Variants in BLTP3A observed in about 807,000 individuals in gnomAD.
BLTP3A encodes ICBP90 binding protein 1.
At chr6:34,795,922 A>G in the BLTP3A span, among the ~76,000 whole-genome samples, 1 of 152,080 alleles carries the variant, frequency 6.6e-6, no homozygotes, top group Admixed American at 6.6e-5. Context: ...GAGTCTTGTT[A>G]GGGGAAAGGC....
At chr6:34,810,635 ATTATT>A in the BLTP3A span, among the ~76,000 whole-genome samples, 3 of 152,024 alleles carry the variant, frequency 2.0e-5, no homozygotes, top group African/African-American at 7.2e-5. Flanking sequence ...TGCCCAGCTA[ATTATT>A]TTGTTTTTTT....
the BLTP3A span, chr6:34,859,579 G>A: frequency 4.3e-6 from 7 of 1,613,106 alleles, no homozygotes; most frequent in East Asian, 4.5e-5. Flanking sequence ...CAAGTAAGTG[G>A]CTCTGTACCT....
the BLTP3A span, among the ~76,000 whole-genome samples, chr6:34,820,834 T>TTTTTTGG: frequency 4.3e-5 from 6 of 140,376 alleles, no homozygotes; most frequent in African/African-American, 1.0e-4. Context: ...TTTTTTTTTT[T>TTTTTTGG]AGAGATAGGG....
chr6:34,843,454 TTTC>T, the BLTP3A span, among the ~76,000 whole-genome samples: 2 of 152,212 alleles, frequency 1.3e-5, no homozygotes, highest in African/African-American at 4.8e-5. Flanking sequence ...TATTTTCTTT[TTTC>T]TTTTTAATTT....
At chr6:34,860,404 T>TAG in the BLTP3A span, among the ~76,000 whole-genome samples, 1 of 152,188 alleles carries the variant, frequency 6.6e-6, no homozygotes, top group Non-Finnish European at 1.5e-5. Context: ...CTTTGTGGTT[T>TAG]AGAGACCATG....
the BLTP3A span, chr6:34,834,247 A>G: frequency 1.7e-5 from 27 of 1,613,862 alleles, no homozygotes; most frequent in Non-Finnish European, 2.2e-5. Flanking sequence ...AGGTGGTGGA[A>G]GGGATGTTCA....
the BLTP3A span, chr6:34,867,492 T>C: frequency 6.2e-7 from 1 of 1,614,142 alleles, no homozygotes; most frequent in African/African-American, 1.3e-5. Flanking sequence ...TGAAGGTGAA[T>C]GAGGTGTCTT....
chr6:34,792,193 A>C, the BLTP3A span: 1 of 1,502,160 alleles, frequency 6.7e-7, no homozygotes, highest in Non-Finnish European at 8.9e-7. Flanking sequence ...TCTTCTCCAC[A>C]ACTGAGGAGG....
At chr6:34,839,569 G>A in the BLTP3A span, among the ~76,000 whole-genome samples, 3 of 152,228 alleles carry the variant, frequency 2.0e-5, no homozygotes, top group Non-Finnish European at 4.4e-5. Context: ...CATGCCCAGG[G>A]TTAGGTTCCA....
chr6:34,869,350 C>T, the BLTP3A span, among the ~76,000 whole-genome samples: 2 of 152,128 alleles, frequency 1.3e-5, no homozygotes, highest in African/African-American at 4.8e-5. Context: ...TTTTAAGTCT[C>T]TGGGAGTCCC....
the BLTP3A span, among the ~76,000 whole-genome samples, chr6:34,822,849 C>T: frequency 3.5e-5 from 5 of 141,378 alleles, no homozygotes; most frequent in South Asian, 4.5e-4. Context: ...GACTCTGTTT[C>T]GGGAAAAAAA....
At chr6:34,797,381 A>G in the BLTP3A span, among the ~76,000 whole-genome samples, 1 of 152,160 alleles carries the variant, frequency 6.6e-6, no homozygotes, top group African/African-American at 2.4e-5. Context: ...CCTGATTGCA[A>G]ATTTAGCCCT....
chr6:34,862,028 T>G, the BLTP3A span, among the ~76,000 whole-genome samples: 9 of 152,212 alleles, frequency 5.9e-5, no homozygotes, highest in African/African-American at 2.2e-4. Context: ...ATGTCCTTAT[T>G]TTTGTGAACT....
At chr6:34,802,562 T>C in the BLTP3A span, among the ~76,000 whole-genome samples, 2 of 152,132 alleles carry the variant, frequency 1.3e-5, no homozygotes, top group Non-Finnish European at 2.9e-5. Flanking sequence ...GGTTTCACCA[T>C]GTTGGCCAGG....
At chr6:34,825,556 C>T in the BLTP3A span, among the ~76,000 whole-genome samples, 32,741 of 152,196 alleles carry the variant, frequency 0.22, 4,245 homozygotes, top group African/African-American at 0.36. Context: ...ATCCACCTGC[C>T]TTGGCCTCCC....
the BLTP3A span, among the ~76,000 whole-genome samples, chr6:34,848,101 T>G: frequency 6.7e-6 from 1 of 149,430 alleles, no homozygotes; most frequent in Non-Finnish European, 1.5e-5. Flanking sequence ...TTTTTTTTTT[T>G]GTAGAGATGA....
At chr6:34,840,457 A>G in the BLTP3A span, among the ~76,000 whole-genome samples, 1 of 149,924 alleles carries the variant, frequency 6.7e-6, no homozygotes, top group Non-Finnish European at 1.5e-5. Flanking sequence ...TCCCAGCTAC[A>G]TGGGAGGCTG....
At chr6:34,853,279 G>A in the BLTP3A span, among the ~76,000 whole-genome samples, 1 of 152,032 alleles carries the variant, frequency 6.6e-6, no homozygotes, top group Admixed American at 6.6e-5. Flanking sequence ...CAGGCTCAGG[G>A]GATCCTCCTG....
chr6:34,830,772 A>G, the BLTP3A span, among the ~76,000 whole-genome samples: 1 of 152,162 alleles, frequency 6.6e-6, no homozygotes, highest in Non-Finnish European at 1.5e-5. Context: ...GTTTTTGTAA[A>G]TATTGCTAGA....
Sources: allele counts gnomAD v4.1 joint callset (sites outside exome capture counted in the v4.1 genomes callset), GRCh38; gene constraint gnomAD v4.1.1; transcripts MANE v1.5; gene names NCBI Gene and HGNC (gene_info 2026-07-23, HGNC 2026-07-21).